Variants in FAM163B observed in about 807,000 individuals in gnomAD.
FAM163B encodes the protein family with sequence similarity 163 member B.
In FAM163B, 4 loss-of-function variants were observed where a neutral mutation model predicts 7.6. The ratio of observed to expected loss-of-function variants is 0.52; its 90% CI spans 0.26 to 1.20. FAM163B has a LOEUF of 1.20. FAM163B is among the 50% of genes most tolerant of loss of function. The pLI, the probability that FAM163B is intolerant of heterozygous loss-of-function variation, is 0.14. For synonymous variants in FAM163B, 120 were observed against 111.6 expected, an observed-to-expected ratio of 1.07 and a Z score of -0.47; for missense variants, 250 against 243.0, an observed-to-expected ratio of 1.03 and a Z score of -0.19.
chr9:133,585,652 A>G (rs1185409825), intron 1 of FAM163B, among the ~76,000 whole-genome samples: 1 of 151,858 alleles, frequency 6.6e-6, no homozygotes, highest in East Asian at 1.9e-4. Context: ...TTCCAAACCA[A>G]CCGGGCCCCA....
rs887708270 is a variant in FAM163B, at chr9:133,579,013, G to A, written c.*9C>T. The stretch of plus-strand genomic sequence containing the variant: ...CCTTCAAGGCCAGGATCCCGGGGGC[G>A]GGCCCAGGTCACACGTCGGTGCTGA... On this transcript the variant is annotated 3_prime_UTR_variant, in exon 3 of 3. Coordinates refer to ENST00000673969, the MANE Select transcript of FAM163B (RefSeq NM_001080515.3). The A allele has an allele frequency of 3.3e-5, 49 of 1,497,248 alleles. No homozygotes were observed. The highest frequency in any genetic ancestry group is 1.9e-4 in the Admixed American group (8 of 43,042). 92.7% of individuals were successfully genotyped at this position (1,497,248 alleles called of 1,614,324 possible).
chr9:133,579,465 G>A (rs62575365), intron 2 of FAM163B, 36 bp from the exon 3 acceptor site: 36,593 of 1,528,388 alleles, frequency 0.024, 573 homozygotes, highest in Middle Eastern at 0.068. Context: ...GCGGCCGCCC[G>A]CTCCCACCCC....
chr9:133,590,274 C>CTTTTTTT (rs1831531892), intron 1 of FAM163B, among the ~76,000 whole-genome samples: 1 of 145,574 alleles, frequency 6.9e-6, no homozygotes. Context: ...TTCCTTTTTT[C>CTTTTTTT]TTTTCTTTTC....
At chr9:133,579,481 C>T (rs371089653) in intron 2 of FAM163B, 52 bp from the exon 3 acceptor site, 22 of 1,504,578 alleles carry the variant, frequency 1.5e-5, no homozygotes, top group South Asian at 5.2e-5. Context: ...ACCCCAGAAC[C>T]GACATGTGGG....
In FAM163B at chr9:133,600,138, G is replaced by A. The variant is rs112277945; in HGVS notation, c.-24+8939C>T. The stretch of plus-strand genomic sequence containing the variant: ...TCTATGTGTATGTGTGTCTGTGTGC[G>A]TGTGTGAATGTATGTGTGCATGAGT... On this transcript the variant is annotated intron_variant, in intron 1 of 2. Coordinates refer to ENST00000673969, the MANE Select transcript of FAM163B (RefSeq NM_001080515.3). The surrounding 1 kb of genome is among the most constrained non-coding windows in gnomAD (Gnocchi z 4.9). Among the ~76,000 whole-genome samples, 4,562 of 150,898 alleles carry A rather than the reference G, an allele frequency of 0.03. 101 individuals are homozygous for A. Among genetic ancestry groups the A allele is most frequent in the Non-Finnish European group, 0.043 (2,904 of 67,742 alleles).
intron 1 of FAM163B, among the ~76,000 whole-genome samples, chr9:133,591,541 C>T (rs1281995869): frequency 6.6e-6 from 1 of 152,208 alleles, no homozygotes. Context: ...CTGGTGCCCC[C>T]ATAGCACCCG....
chr9:133,589,610 CA>C (rs1831504792), intron 1 of FAM163B, among the ~76,000 whole-genome samples: 1 of 110,340 alleles, frequency 9.1e-6, no homozygotes, highest in Non-Finnish European at 2.0e-5. Flanking sequence ...CTCCGGCCAC[CA>C]GGGGGCGACA....
At chr9:133,595,657 T>A (rs553561310) in intron 1 of FAM163B, among the ~76,000 whole-genome samples, 1 of 152,220 alleles carries the variant, frequency 6.6e-6, no homozygotes, top group Non-Finnish European at 1.5e-5. Context: ...TCCTTCCCCA[T>A]GTCCACCCGT....
rs2131206009 is a variant in FAM163B, at chr9:133,578,945, G to C, written c.*77C>G. On this transcript the variant is annotated 3_prime_UTR_variant, in exon 3 of 3. Coordinates refer to ENST00000673969, the MANE Select transcript of FAM163B (RefSeq NM_001080515.3). ...CAGCCAAGCCCCACTTGGGGCCTGGGGCCAGGTGGGTGTGCCAAAGGAATC... is the reference window on the plus strand; with the variant it reads ...CAGCCAAGCCCCACTTGGGGCCTGGCGCCAGGTGGGTGTGCCAAAGGAATC... 6.9e-7 allele frequency: 1 copy of C among 1,440,294 alleles called. No individual in the cohort carries two copies. Among genetic ancestry groups the C allele is most frequent in the African/African-American group, 1.4e-5 (1 of 69,792 alleles). The allele number at this position is 1,440,294 out of a possible 1,614,324, so 89.2% of individuals were successfully genotyped here. A position where few individuals can be genotyped will look rare whatever the true frequency, so the allele number is the denominator to read the frequency against.
intron 1 of FAM163B, among the ~76,000 whole-genome samples, chr9:133,581,275 A>G (rs1831351746): frequency 1.3e-5 from 2 of 152,196 alleles, no homozygotes; most frequent in Admixed American, 1.3e-4. Flanking sequence ...AAGGTTTGAC[A>G]AGCGGCTTAC....
At chr9:133,588,254 T>C (rs1440834760) in intron 1 of FAM163B, among the ~76,000 whole-genome samples, 2 of 152,142 alleles carry the variant, frequency 1.3e-5, no homozygotes, top group African/African-American at 4.8e-5. Flanking sequence ...TGGCCCTGTC[T>C]GGGGCAGAGC....
chr9:133,598,711 G>C (rs1212968673), intron 1 of FAM163B, among the ~76,000 whole-genome samples: 1 of 152,192 alleles, frequency 6.6e-6, no homozygotes, highest in Non-Finnish European at 1.5e-5. Context: ...AGTTTTGGCT[G>C]AGTTTTTGGG....
At position 133,600,644 on chromosome 9, in the gene FAM163B, C is replaced by G. The variant is rs1831710058; in HGVS notation, c.-24+8433G>C. Among the ~76,000 whole-genome samples the G allele has an allele frequency of 6.6e-6, 1 of 152,098 alleles. No individual in the cohort carries two copies. The highest frequency in any genetic ancestry group is 1.5e-5 in the Non-Finnish European group (1 of 68,004). On this transcript the variant is annotated intron_variant, in intron 1 of 2. Transcript: ENST00000673969. This position sits in a 1 kb window ranked among gnomAD's most constrained non-coding sequence, Gnocchi z 4.9. ...TAAAAGGATGGGTGGAAGCCCAAGA[C>G]TCGTGGGGCTTGAGGAGAGGTTGGT...
At chr9:133,587,544 C>A (rs1198572296) in intron 1 of FAM163B, among the ~76,000 whole-genome samples, 1 of 152,208 alleles carries the variant, frequency 6.6e-6, no homozygotes, top group African/African-American at 2.4e-5. Flanking sequence ...CTCCCTGGTC[C>A]TCAGGGGTCA....
In FAM163B at chr9:133,578,016, CT is replaced by C. The variant is rs1831278843; in HGVS notation, c.*1005del. Reference sequence around the variant, plus strand: ...GGAGGTGACCTGCAACTCTGTCTCCCTTGGGGATCTCAGTTCCTGTTGAGAC... The same window carrying C: ...GGAGGTGACCTGCAACTCTGTCTCCCTGGGGATCTCAGTTCCTGTTGAGAC... On this transcript the variant is annotated 3_prime_UTR_variant, in exon 3 of 3. Transcript: ENST00000673969. Among the ~76,000 whole-genome samples, 1 of 152,146 alleles carries C rather than the reference CT, an allele frequency of 6.6e-6. No homozygotes were observed. Among genetic ancestry groups the C allele is most frequent in the African/African-American group, 2.4e-5 (1 of 41,422 alleles).
chr9:133,599,822 C>T (rs1214122849), intron 1 of FAM163B, among the ~76,000 whole-genome samples: 2 of 145,016 alleles, frequency 1.4e-5, no homozygotes, highest in Non-Finnish European at 3.0e-5. Context: ...TGTATATGTG[C>T]ATGAATGTGT....
rs1448847783 is a variant in FAM163B at position 133,579,229 on chromosome 9, C to T, written c.294G>A (p.Glu98=). ...RALCRSCSHC[E]PPTFFLQEPP... ...GCTCCTGCAGGAAGAAGGTGGGGGG[C>T]TCGCAGTGGGAGCAGCTGCGGCAGA... is the stretch of plus-strand genomic sequence containing the variant. Residue 98 remains glutamate, a synonymous_variant, in exon 3 of 3, where the codon GAG becomes GAA. Coordinates refer to ENST00000673969, the MANE Select transcript of FAM163B (RefSeq NM_001080515.3). 4 of 1,611,880 alleles carry T rather than the reference C, an allele frequency of 2.5e-6. No homozygotes were observed. In the African/African-American group the frequency reaches 5.3e-5, roughly 22 times the overall value.
chr9:133,598,074 A>T (rs7019353), intron 1 of FAM163B, among the ~76,000 whole-genome samples: 119,316 of 152,108 alleles, frequency 0.78, 47,600 homozygotes, highest in African/African-American at 0.93. Context: ...TGGTGACAAC[A>T]TCTAAGTGGC....
intron 1 of FAM163B, chr9:133,586,265 A>T (rs919468865): frequency 6.6e-6 from 1 of 152,306 alleles, no homozygotes; most frequent in African/African-American, 2.4e-5. Context: ...CTCTATCCCC[A>T]GCTCAGCTGC....
Sources: gnomAD v4.1 joint callset for allele counts (sites outside exome capture counted in the v4.1 genomes callset) on GRCh38, gnomAD v4.1.1 for gene constraint, Gnocchi (gnomAD v3.1) non-coding constraint, MANE v1.5 for transcripts, NCBI Gene and HGNC (gene_info 2026-07-23, HGNC 2026-07-21) for gene names.